The following ACYP2 variants were observed in gnomAD, a reference collection of about 807,000 sequenced individuals.
ACYP2 encodes acylphosphatase-2.
A neutral mutation model predicts 11.2 loss-of-function variants in ACYP2; 12 were observed. The ratio of observed to expected loss-of-function variants is 1.08; its 90% CI spans 0.69 to 1.74. The LOEUF (loss-of-function observed/expected upper bound fraction) is 1.74, where lower values mean the gene tolerates loss of function less well. ACYP2 is among the 40% of genes most tolerant of loss of function. The pLI is 0.00. For synonymous variants in ACYP2, 43 were observed against 32.2 expected (o/e 1.33, Z -1.13); for missense variants, 134 against 101.9 (o/e 1.31, Z -1.35).
intron 4 of ACYP2, among the ~76,000 whole-genome samples, chr2:54,113,570 T>C (rs1465864848): frequency 6.6e-6 from 1 of 152,036 alleles, no homozygotes; most frequent in African/African-American, 2.4e-5. Flanking sequence ...AAAAATTCTG[T>C]TTGAGGTTGG....
At chr2:54,053,347 T>A (rs1430199650) in intron 3 of ACYP2, among the ~76,000 whole-genome samples, 2 of 152,180 alleles carry the variant, frequency 1.3e-5, no homozygotes, top group Admixed American at 1.3e-4. Flanking sequence ...CTAGCCCAAG[T>A]CATATGCAGA....
chr2:54,012,780 C>CA (rs776415286), intron 2 of ACYP2, among the ~76,000 whole-genome samples: 7 of 152,178 alleles, frequency 4.6e-5, no homozygotes, highest in Non-Finnish European at 1.0e-4. Context: ...TCTCAACTAG[C>CA]AGCCAGAGTT....
chr2:54,004,275 C>T (rs1373180225), intron 2 of ACYP2, among the ~76,000 whole-genome samples: 1 of 152,092 alleles, frequency 6.6e-6, no homozygotes, highest in East Asian at 1.9e-4. Context: ...GCATGAGCCA[C>T]TGCACCCAGC....
intron 6 of ACYP2, among the ~76,000 whole-genome samples, chr2:54,154,230 AAC>A (rs1334879389): frequency 2.6e-5 from 4 of 152,166 alleles, no homozygotes; most frequent in African/African-American, 9.7e-5. Flanking sequence ...GTCATCAGCA[AAC>A]AGTGACAATT....
chr2:54,195,628 T>C (rs1684433206), intron 6 of ACYP2, among the ~76,000 whole-genome samples: 1 of 115,108 alleles, frequency 8.7e-6, no homozygotes, highest in Non-Finnish European at 1.8e-5. Flanking sequence ...GAATGAAGAC[T>C]GGCCAAAGGC....
chr2:54,018,021 A>G (rs1313065871), intron 2 of ACYP2, among the ~76,000 whole-genome samples: 1 of 152,148 alleles, frequency 6.6e-6, no homozygotes, highest in East Asian at 1.9e-4. Context: ...TTGAAAGCAC[A>G]TCTTCACTCT....
chr2:54,178,574 T>C (rs147712267), intron 6 of ACYP2, among the ~76,000 whole-genome samples: 118 of 152,356 alleles, frequency 7.7e-4, no homozygotes, highest in African/African-American at 2.3e-3. Context: ...AACAGTACTT[T>C]TACTTGAATT....
chr2:54,112,875 A>G (rs1679530463), intron 4 of ACYP2, among the ~76,000 whole-genome samples: 1 of 152,244 alleles, frequency 6.6e-6, no homozygotes, highest in South Asian at 2.1e-4. Context: ...AATTGTTGCT[A>G]TAGCACTTCT....
intron 4 of ACYP2, among the ~76,000 whole-genome samples, chr2:54,099,553 C>G (rs950632707): frequency 3.9e-5 from 6 of 152,154 alleles, no homozygotes; most frequent in Admixed American, 2.6e-4. Context: ...CTGTGCCTGG[C>G]TTATTTTGTG....
intron 4 of ACYP2, among the ~76,000 whole-genome samples, chr2:54,070,752 TG>T (rs1676993112): frequency 6.8e-6 from 1 of 146,476 alleles, no homozygotes; most frequent in Admixed American, 6.8e-5. Flanking sequence ...TTTTTTTTGG[TG>T]GGGGCAGGGT....
intron 6 of ACYP2, among the ~76,000 whole-genome samples, chr2:54,246,694 C>G (rs1228260874): frequency 6.6e-6 from 1 of 151,942 alleles, no homozygotes. Flanking sequence ...TAGTTTCTTT[C>G]TCTTAGTAAT....
At chr2:54,258,281 A>G (rs1170123589) in intron 6 of ACYP2, among the ~76,000 whole-genome samples, 1 of 152,190 alleles carries the variant, frequency 6.6e-6, no homozygotes, top group Non-Finnish European at 1.5e-5. Flanking sequence ...AGCCTCATTG[A>G]AAATATGAGA....
chr2:54,202,706 C>CT lies in ACYP2; in HGVS notation c.404+63999dup, dbSNP rs70944152. Among the ~76,000 whole-genome samples the CT allele has an allele frequency of 1.6e-4, 7 of 43,082 alleles. 2 individuals carry two copies. The highest frequency in any genetic ancestry group is 3.0e-4 in the Non-Finnish European group (7 of 23,688). The allele number at this position is 43,082 out of a possible 152,430, so 28.3% of individuals were successfully genotyped here. On this transcript the variant is annotated intron_variant, in intron 6 of 6. Transcript: ENST00000607452. The stretch of plus-strand genomic sequence containing the variant: ...TACAGGTGTGAGCCACGGCGCCTGG[C>CT]TTTTTTTTTTTTTTTTTTTTTTTTT...
At chr2:54,038,828 A>G (rs1308222527) in intron 2 of ACYP2, among the ~76,000 whole-genome samples, 1 of 151,230 alleles carries the variant, frequency 6.6e-6, no homozygotes, top group South Asian at 2.1e-4. Flanking sequence ...GATAAATAAA[A>G]TAAACATTTG....
intron 2 of ACYP2, among the ~76,000 whole-genome samples, chr2:53,985,070 CTTTTT>C (rs1178409999): frequency 7.4e-6 from 1 of 134,994 alleles, no homozygotes; most frequent in Non-Finnish European, 1.6e-5. Context: ...TTTTTTCTTT[CTTTTT>C]TTTTTTTTTT....
At chr2:54,242,971 C>G (rs1190044477) in intron 6 of ACYP2, among the ~76,000 whole-genome samples, 1 of 152,130 alleles carries the variant, frequency 6.6e-6, no homozygotes, top group Non-Finnish European at 1.5e-5. Context: ...TAATTTGCAA[C>G]CCTTTGGTTA....
chr2:54,075,511 A>AAAG lies in ACYP2; in HGVS notation c.277+18153_277+18154insGAA, dbSNP rs1553366353. On this transcript the variant is annotated intron_variant, in intron 4 of 6. Transcript: ENST00000607452. Reference sequence around the variant, plus strand: ...AGATTCTGTCTCAAAATTAAAAAAAAAAAGAAAGAAAAAAAAAAAGGGTGG... The same window carrying AAAG: ...AGATTCTGTCTCAAAATTAAAAAAAAAAGAAAGAAAGAAAAAAAAAAAGGGTGG... 4.7e-4 allele frequency among the ~76,000 whole-genome samples: 57 copies of AAAG among 120,328 alleles called. 1 individual carries two copies. In the South Asian group the frequency reaches 0.014, roughly 29 times the overall value. 78.9% of individuals were successfully genotyped at this position (120,328 alleles called of 152,430 possible). A position where few individuals can be genotyped will look rare whatever the true frequency, so the allele number is the denominator to read the frequency against.
intron 2 of ACYP2, among the ~76,000 whole-genome samples, chr2:54,037,686 G>A (rs1674984866): frequency 6.6e-6 from 1 of 152,132 alleles, no homozygotes; most frequent in Non-Finnish European, 1.5e-5. Flanking sequence ...GGGATTACAG[G>A]GGTGAGCCAT....
At chr2:53,974,125 A>T (rs1671343431) in intron 2 of ACYP2, among the ~76,000 whole-genome samples, 1 of 151,524 alleles carries the variant, frequency 6.6e-6, no homozygotes, top group South Asian at 2.1e-4. Context: ...CATATTGGCC[A>T]GGCTGGTCTC....
Sources: gnomAD v4.1 joint callset for allele counts (sites outside exome capture counted in the v4.1 genomes callset) on GRCh38, gnomAD v4.1.1 for gene constraint, MANE v1.5 for transcripts, NCBI Gene and HGNC (gene_info 2026-07-23, HGNC 2026-07-21) for gene names.